The following SPARCL1 variants were observed in gnomAD, a reference collection of about 807,000 sequenced individuals.
The protein encoded by SPARCL1 is SPARC like 1.
In SPARCL1, 52 loss-of-function variants were observed where a neutral mutation model predicts 67.1. The ratio of observed to expected loss-of-function variants is 0.78; its 90% CI spans 0.62 to 0.98. The LOEUF is 0.98. Ranked by LOEUF, SPARCL1 falls within the 50% of genes least tolerant of loss-of-function variation. SPARCL1 has a pLI of 0.00. For missense variants in SPARCL1, 717 were observed against 782.4 expected, an observed-to-expected ratio of 0.92 and a Z score of 1.00; for synonymous variants, 226 against 267.8, an observed-to-expected ratio of 0.84 and a Z score of 1.52.
rs1723720906 is a variant in SPARCL1 at position 87,479,535 on chromosome 4, C to A, written c.1861G>T (p.Val621Leu). ...SELAPLRASL[V>L]PMEHCITRFF... ...CGGGTTATGCAGTGTTCCATGGGCA[C>A]CAGAGATGCTCGCAGAGGAGCAAGT... Residue 621 changes from valine to leucine, a missense_variant, in exon 10 of 11, where the codon GTG becomes TTG. Physicochemically the swap from Val to Leu is conservative, Grantham distance 32. Coordinates refer to ENST00000282470, the MANE Select transcript of SPARCL1 (RefSeq NM_004684.6). 3 of 1,614,090 alleles carry A rather than the reference C, an allele frequency of 1.9e-6. No homozygotes were observed. The highest frequency in any genetic ancestry group is 1.7e-6 in the Non-Finnish European group (2 of 1,180,008).
At chr4:87,497,757 AAC>A (rs558189363) in intron 2 of SPARCL1, among the ~76,000 whole-genome samples, 2 of 152,178 alleles carry the variant, frequency 1.3e-5, no homozygotes, top group South Asian at 4.2e-4. Flanking sequence ...ATTTGGTTCA[AAC>A]ACTTTTTTTG....
At chr4:87,525,461 C>T (rs1438013525) in intron 1 of SPARCL1, among the ~76,000 whole-genome samples, 1 of 152,192 alleles carries the variant, frequency 6.6e-6, no homozygotes, top group Non-Finnish European at 1.5e-5. Flanking sequence ...ATAACCACTA[C>T]ACCATAGCAC....
chr4:87,526,991 G>A (rs1328558512), intron 1 of SPARCL1, among the ~76,000 whole-genome samples: 3 of 152,178 alleles, frequency 2.0e-5, no homozygotes, highest in Non-Finnish European at 4.4e-5. Context: ...CTATTTTGTG[G>A]TAAAGCTTGG....
intron 1 of SPARCL1, among the ~76,000 whole-genome samples, chr4:87,501,383 A>G (rs533112124): frequency 3.5e-4 from 54 of 152,242 alleles, no homozygotes; most frequent in Non-Finnish European, 5.9e-4. Context: ...CATACTCCAT[A>G]AGTTTCTTGA....
rs1723443652 is a variant in SPARCL1 at position 87,473,759 on chromosome 4, T to C, written c.*16A>G. On this transcript the variant is annotated 3_prime_UTR_variant, in exon 11 of 11. Transcript: ENST00000282470. Reference sequence around the variant, plus strand: ...AGAGGAGGATGCTGGAAAGTTGAGTTCTTTAAAATCTTCGTTCAAAACAAG... The same window carrying C: ...AGAGGAGGATGCTGGAAAGTTGAGTCCTTTAAAATCTTCGTTCAAAACAAG... 2 of 1,598,256 alleles carry C rather than the reference T, an allele frequency of 1.3e-6. No homozygotes were observed. Among genetic ancestry groups the C allele is most frequent in the African/African-American group, 1.3e-5 (1 of 74,648 alleles).
chr4:87,493,643 T>C lies in SPARCL1; in HGVS notation c.1157A>G (p.Gln386Arg), dbSNP rs201382853. The change falls in exon 4 of 11, where the codon CAA becomes CGA. Residue 386 changes from glutamine to arginine, a missense_variant. By Grantham distance (43) the Gln-to-Arg change is conservative. Coordinates refer to ENST00000282470, the MANE Select transcript of SPARCL1 (RefSeq NM_004684.6). The part of the protein sequence containing the change: ...SIAYHLKIEE[Q>R]REKVHENENI... The stretch of plus-strand genomic sequence containing the variant: ...TTCATTTTCATGTACTTTTTCTCTT[T>C]GCTCCTCAATTTTGAGGTGATAGGC... 112 of 1,614,052 alleles carry C rather than the reference T, an allele frequency of 6.9e-5. No individual in the cohort carries two copies. The East Asian group carries it at 2.4e-3, about 34-fold the overall frequency.
At chr4:87,502,257 A>G (rs1010996855) in intron 1 of SPARCL1, among the ~76,000 whole-genome samples, 2 of 152,202 alleles carry the variant, frequency 1.3e-5, no homozygotes, top group African/African-American at 2.4e-5. Flanking sequence ...GATAATTTGC[A>G]TATCCATCAC....
intron 5 of SPARCL1, among the ~76,000 whole-genome samples, chr4:87,491,334 G>T (rs1487334057): frequency 6.6e-6 from 1 of 152,146 alleles, no homozygotes; most frequent in Non-Finnish European, 1.5e-5. Context: ...GAATAAATAA[G>T]ATAGAATTAA....
intron 7 of SPARCL1, among the ~76,000 whole-genome samples, chr4:87,484,373 G>A (rs956135735): frequency 1.3e-5 from 2 of 152,258 alleles, no homozygotes; most frequent in East Asian, 3.9e-4. Context: ...TGTCAGGTTT[G>A]TCAAATATCA....
Position 87,490,409 on chromosome 4 carries a change from A to G in SPARCL1, c.1411-16T>C, listed in dbSNP as rs765140532. ...TGCCACAAACCTATGGAAGATAAGT[A>G]GAAGAAAAAGCTGATAGAGCCAAAT... On this transcript the variant is annotated splice_polypyrimidine_tract_variant and intron_variant, in intron 6 of 10. Transcript: ENST00000282470. 1.3e-6 allele frequency: 2 copies of G among 1,594,688 alleles called. No individual in the cohort carries two copies. Among genetic ancestry groups the G allele is most frequent in the South Asian group, 2.3e-5 (2 of 87,300 alleles).
At chr4:87,524,444 C>A (rs746771240) in intron 1 of SPARCL1, among the ~76,000 whole-genome samples, 1 of 152,156 alleles carries the variant, frequency 6.6e-6, no homozygotes, top group Non-Finnish European at 1.5e-5. Flanking sequence ...AAGTGTGAAA[C>A]TTATATTTGT....
At chr4:87,492,244 C>T (rs1724376762) in intron 4 of SPARCL1, among the ~76,000 whole-genome samples, 5 of 151,958 alleles carry the variant, frequency 3.3e-5, no homozygotes, top group Admixed American at 1.3e-4. Flanking sequence ...AAGGTGAAAC[C>T]CTGTCTCTAC....
At chr4:87,507,617 G>A (rs751303957) in intron 1 of SPARCL1, among the ~76,000 whole-genome samples, 3 of 152,206 alleles carry the variant, frequency 2.0e-5, no homozygotes, top group Non-Finnish European at 2.9e-5. Flanking sequence ...GTGACCAAAT[G>A]TGGGAGATTT....
Position 87,522,771 on chromosome 4 carries a change from C to G in SPARCL1, c.-12+6274G>C, listed in dbSNP as rs1400538758. Among the ~76,000 whole-genome samples the G allele has an allele frequency of 2.0e-5, 3 of 152,016 alleles. No homozygotes were observed. The East Asian group carries it at 5.8e-4, about 29-fold the overall frequency. On this transcript the variant is annotated intron_variant, in intron 1 of 10. Coordinates refer to ENST00000282470, the MANE Select transcript of SPARCL1 (RefSeq NM_004684.6). ...GTGGAGGTCAGGATCCTTATATACT[C>G]TCTTGGAACAAAGGTGTTTTGCCTT...
At chr4:87,495,321 A>G (rs532616563) in intron 2 of SPARCL1, among the ~76,000 whole-genome samples, 194 bp from the exon 3 acceptor site, 1 of 152,218 alleles carries the variant, frequency 6.6e-6, no homozygotes, top group Non-Finnish European at 1.5e-5. Flanking sequence ...CAGAATCTCA[A>G]TTGTGTTTAA....
intron 7 of SPARCL1, among the ~76,000 whole-genome samples, chr4:87,486,599 C>T (rs557682971): frequency 6.6e-6 from 1 of 152,248 alleles, no homozygotes; most frequent in African/African-American, 2.4e-5. Context: ...GAGCTGAGTT[C>T]AAGTCCTGAA....
rs148349664 is a variant in SPARCL1 at position 87,505,631 on chromosome 4, T to C, written c.-11-6046A>G. 8.5e-5 allele frequency among the ~76,000 whole-genome samples: 13 copies of C among 152,200 alleles called. No individual in the cohort carries two copies. In the East Asian group the frequency reaches 2.5e-3, roughly 29 times the overall value. ...GAGTGTAATTGCAATCATAGCTCAC[T>C]GCAGCCTCCAGTTCCTGGGCTCAGG... On this transcript the variant is annotated intron_variant, in intron 1 of 10. Transcript: ENST00000282470.
At chr4:87,521,840 G>T (rs1453237104) in intron 1 of SPARCL1, among the ~76,000 whole-genome samples, 1 of 152,098 alleles carries the variant, frequency 6.6e-6, no homozygotes, top group Non-Finnish European at 1.5e-5. Flanking sequence ...ATCTTCTGTT[G>T]AATTTGTTTA....
At chr4:87,498,696 T>G (rs978380989) in intron 2 of SPARCL1, among the ~76,000 whole-genome samples, 1 of 152,158 alleles carries the variant, frequency 6.6e-6, no homozygotes, top group Non-Finnish European at 1.5e-5. Flanking sequence ...CCCTGCCTAC[T>G]TTCAGCATAC....
Sources: gnomAD v4.1 joint callset for allele counts (sites outside exome capture counted in the v4.1 genomes callset) on GRCh38, gnomAD v4.1.1 for gene constraint, MANE v1.5 for transcripts, NCBI Gene and HGNC (gene_info 2026-07-23, HGNC 2026-07-21) for gene names.